The following CEP112 variants were observed in gnomAD, a reference collection of about 807,000 sequenced individuals.
The protein encoded by CEP112 is centrosomal protein of 112 kDa.
CEP112 carries 127 observed loss-of-function variants against 153.0 expected under a neutral mutation model. That is an observed-to-expected ratio of 0.83 (90% CI 0.72 to 0.96). The LOEUF (loss-of-function observed/expected upper bound fraction) is 0.96. Among genes scored for constraint, CEP112 ranks in the 40% least tolerant of loss-of-function variants. The probability of loss-of-function intolerance (pLI) is 0.00; values close to 1 mark genes in which losing one functional copy is unlikely to be tolerated. For missense variants in CEP112, 1,089 were observed against 1,101.2 expected (o/e 0.99, Z 0.16); for synonymous variants, 358 against 374.4 (o/e 0.96, Z 0.51).
chr17:65,675,196 C>T (rs1208471804), intron 24 of CEP112, among the ~76,000 whole-genome samples: 1 of 152,022 alleles, frequency 6.6e-6, no homozygotes, highest in Non-Finnish European at 1.5e-5. Flanking sequence ...AGAAGGAAGA[C>T]AGAGAGATAG....
At chr17:65,748,187 G>A (rs1187243219) in intron 22 of CEP112, among the ~76,000 whole-genome samples, 1 of 152,172 alleles carries the variant, frequency 6.6e-6, no homozygotes, top group Non-Finnish European at 1.5e-5. Flanking sequence ...ATATTTAGAA[G>A]TTGGCAAACA....
At chr17:65,864,386 T>C (rs2058413820) in intron 20 of CEP112, among the ~76,000 whole-genome samples, 1 of 152,140 alleles carries the variant, frequency 6.6e-6, no homozygotes, top group Non-Finnish European at 1.5e-5. Context: ...AGATGTGGAT[T>C]AGATTTCAAG....
chr17:65,851,845 T>C lies in CEP112; in HGVS notation c.2353A>G (p.Lys785Glu). 1 of 1,614,150 alleles carries C rather than the reference T, an allele frequency of 6.2e-7. No individual in the cohort carries two copies. Among genetic ancestry groups the C allele is most frequent in the Non-Finnish European group, 8.5e-7 (1 of 1,180,010 alleles). The change falls in exon 21 of 27, where the codon AAA (lysine) becomes GAA (glutamate). Residue 785 changes from lysine (K) to glutamate (E), a missense_variant. Lys to Glu is a moderately conservative substitution (Grantham distance 56). Coordinates refer to ENST00000535342, the MANE Select transcript of CEP112 (RefSeq NM_001199165.4). The part of the protein sequence containing the change: ...AESEKMKIEL[K>E]KTHAAETEMT... Reference sequence around the variant, plus strand: ...TCTGTCTCAGCAGCATGAGTCTTTTTCAGCTCTATTTTCATCTTTTCTGAT... The same window carrying C: ...TCTGTCTCAGCAGCATGAGTCTTTTCCAGCTCTATTTTCATCTTTTCTGAT...
chr17:65,933,254 C>CA (rs2061188039), intron 18 of CEP112, among the ~76,000 whole-genome samples: 1 of 151,958 alleles, frequency 6.6e-6, no homozygotes, highest in African/African-American at 2.4e-5. Context: ...AAATGCCCCC[C>CA]AAAAAAGCAT....
At chr17:65,846,380 T>C (rs556174453) in intron 21 of CEP112, among the ~76,000 whole-genome samples, 5 of 152,140 alleles carry the variant, frequency 3.3e-5, no homozygotes, top group Non-Finnish European at 7.3e-5. Flanking sequence ...ACTTATTAAG[T>C]GATATGAAGG....
intron 20 of CEP112, among the ~76,000 whole-genome samples, chr17:65,858,616 G>T (rs946611033): frequency 1.3e-5 from 2 of 151,160 alleles, no homozygotes; most frequent in African/African-American, 4.9e-5. Context: ...TTGTTTATTT[G>T]CACTTTGTTC....
chr17:66,166,544 C>T (rs981712444), intron 4 of CEP112, among the ~76,000 whole-genome samples: 51 of 152,136 alleles, frequency 3.4e-4, no homozygotes, highest in Middle Eastern at 3.4e-3. Flanking sequence ...CAACCTATTA[C>T]TTTTGTGTTC....
intron 21 of CEP112, among the ~76,000 whole-genome samples, chr17:65,770,001 T>C (rs2053243811): frequency 6.6e-6 from 1 of 151,984 alleles, no homozygotes; most frequent in African/African-American, 2.4e-5. Context: ...CAGTTATCTC[T>C]GAGATAGTAT....
intron 20 of CEP112, among the ~76,000 whole-genome samples, chr17:65,899,643 C>A (rs1410999327): frequency 6.6e-6 from 1 of 151,888 alleles, no homozygotes; most frequent in African/African-American, 2.4e-5. Flanking sequence ...TGGAAGAAGT[C>A]AAAAATAGAT....
At chr17:66,093,716 C>A (rs968507653) in intron 8 of CEP112, among the ~76,000 whole-genome samples, 6 of 152,022 alleles carry the variant, frequency 3.9e-5, no homozygotes. Flanking sequence ...TGTTCATGAA[C>A]TGGAAGAACT....
chr17:66,047,764 A>C (rs2066274406), intron 12 of CEP112, among the ~76,000 whole-genome samples: 1 of 152,228 alleles, frequency 6.6e-6, no homozygotes, highest in Non-Finnish European at 1.5e-5. Context: ...ATACAACAAA[A>C]GTTTGAGACT....
At chr17:65,870,084 A>AG (rs2058619476) in intron 20 of CEP112, among the ~76,000 whole-genome samples, 4 of 151,952 alleles carry the variant, frequency 2.6e-5, no homozygotes, top group African/African-American at 7.2e-5. Flanking sequence ...AAAGAAAGAA[A>AG]AGAAAGAAAG....
At chr17:65,705,570 G>A (rs2048873736) in intron 23 of CEP112, among the ~76,000 whole-genome samples, 1 of 151,974 alleles carries the variant, frequency 6.6e-6, no homozygotes, top group South Asian at 2.1e-4. Context: ...TCAATTGAGA[G>A]AACAAAAAGA....
At chr17:65,909,767 G>A (rs892983152) in intron 19 of CEP112, among the ~76,000 whole-genome samples, 4 of 152,130 alleles carry the variant, frequency 2.6e-5, no homozygotes, top group Admixed American at 1.3e-4. Context: ...TCAAAACAAG[G>A]TAGCCAAGGA....
intron 21 of CEP112, among the ~76,000 whole-genome samples, chr17:65,754,041 A>T (rs2052057755): frequency 6.6e-6 from 1 of 152,238 alleles, no homozygotes; most frequent in South Asian, 2.1e-4. Context: ...ATTTTTATGA[A>T]ACATCTAGAG....
At chr17:65,773,227 T>G (rs2053483427) in intron 21 of CEP112, among the ~76,000 whole-genome samples, 1 of 152,210 alleles carries the variant, frequency 6.6e-6, no homozygotes, top group African/African-American at 2.4e-5. Flanking sequence ...CTTCTTTCCT[T>G]CCTTCACAGG....
intron 23 of CEP112, among the ~76,000 whole-genome samples, chr17:65,692,282 G>T (rs905847830): frequency 6.8e-6 from 1 of 146,148 alleles, no homozygotes; most frequent in African/African-American, 2.6e-5. Context: ...AGGCTGGAGT[G>T]CAGTGGCACA....
chr17:65,677,360 T>C (rs1234582569), intron 24 of CEP112, among the ~76,000 whole-genome samples: 1 of 152,226 alleles, frequency 6.6e-6, no homozygotes, highest in African/African-American at 2.4e-5. Flanking sequence ...ATTTAAATGA[T>C]GCCAATTACA....
At chr17:65,755,996 A>T (rs1231412763) in intron 21 of CEP112, among the ~76,000 whole-genome samples, 1 of 152,180 alleles carries the variant, frequency 6.6e-6, no homozygotes, top group Non-Finnish European at 1.5e-5. Context: ...TATATACTGG[A>T]TGAGATCCCA....
Sources: allele counts gnomAD v4.1 joint callset (sites outside exome capture counted in the v4.1 genomes callset), GRCh38; gene constraint gnomAD v4.1.1; transcripts MANE v1.5; gene names NCBI Gene and HGNC (gene_info 2026-07-23, HGNC 2026-07-21).